EML6: variants seen among roughly 807,000 people sequenced by gnomAD.
EML6 encodes the protein echinoderm microtubule-associated protein-like 6.
A neutral mutation model predicts 240.1 loss-of-function variants in EML6; 154 were observed. The observed-to-expected ratio is 0.64, with a 90% CI of 0.56 to 0.73. The LOEUF (loss-of-function observed/expected upper bound fraction) is 0.73. Among genes scored for constraint, EML6 ranks in the 30% least tolerant of loss-of-function variants. The probability of loss-of-function intolerance (pLI) is 0.00; values close to 1 mark genes in which losing one functional copy is unlikely to be tolerated. For missense variants in EML6, 2,964 were observed against 2,474.6 expected, an observed-to-expected ratio of 1.20 and a Z score of -4.20; for synonymous variants, 1,148 against 899.0, an observed-to-expected ratio of 1.28 and a Z score of -4.95.
chr2:54,828,772 G>A (rs574958542), intron 6 of EML6, among the ~76,000 whole-genome samples: 1 of 152,316 alleles, frequency 6.6e-6, no homozygotes, highest in East Asian at 1.9e-4. Flanking sequence ...GTATTTTCCT[G>A]TGGAGGAGCA....
intron 17 of EML6, among the ~76,000 whole-genome samples, chr2:54,884,246 G>A (rs1161964255): frequency 6.6e-6 from 1 of 152,174 alleles, no homozygotes; most frequent in Non-Finnish European, 1.5e-5. Flanking sequence ...TTATGGTTGG[G>A]AAGCTATATA....
chr2:54,951,898 C>T (rs1280167660), intron 30 of EML6, among the ~76,000 whole-genome samples: 2 of 151,842 alleles, frequency 1.3e-5, no homozygotes, highest in Admixed American at 1.3e-4. Flanking sequence ...GCAGTACACA[C>T]CTTCCTTGTG....
At chr2:54,916,695 T>G in intron 25 of EML6, 64 bp from the exon 26 acceptor site, 1 of 1,322,982 alleles carries the variant, frequency 7.6e-7, no homozygotes, top group Non-Finnish European at 1.0e-6. Flanking sequence ...AGGTGCAAAC[T>G]GTTTCTTTTA....
intron 16 of EML6, among the ~76,000 whole-genome samples, chr2:54,872,772 A>T (rs1418118212): frequency 6.6e-6 from 1 of 152,056 alleles, no homozygotes; most frequent in African/African-American, 2.4e-5. Flanking sequence ...TGCTGTTCTC[A>T]TGTGTCTTTT....
chr2:54,799,102 C>T (rs1469116028), intron 2 of EML6, among the ~76,000 whole-genome samples: 1 of 152,086 alleles, frequency 6.6e-6, no homozygotes, highest in Non-Finnish European at 1.5e-5. Context: ...GTTCTGTCTC[C>T]CAGGCTGGAG....
chr2:54,960,170 G>T, intron 34 of EML6, 50 bp from the exon 35 acceptor site: 1 of 1,334,370 alleles, frequency 7.5e-7, no homozygotes. Flanking sequence ...AGGGGGTAGT[G>T]GGTCTTAGGA....
At chr2:54,894,780 C>T in intron 19 of EML6, 135 bp from the exon 20 acceptor site, 3 of 602,480 alleles carry the variant, frequency 5.0e-6, no homozygotes, top group South Asian at 4.1e-5. Context: ...TTGTTATCAC[C>T]AGAGTTTTCC....
At chr2:54,934,191 A>G (rs1226540402) in intron 28 of EML6, among the ~76,000 whole-genome samples, 1 of 152,224 alleles carries the variant, frequency 6.6e-6, no homozygotes, top group Non-Finnish European at 1.5e-5. Context: ...ACATACACAT[A>G]TGGAAGTGAA....
chr2:54,913,932 T>C (rs983723440), intron 25 of EML6, among the ~76,000 whole-genome samples: 1 of 152,184 alleles, frequency 6.6e-6, no homozygotes, highest in East Asian at 1.9e-4. Flanking sequence ...CCCCATTGCT[T>C]ATTTTTGTTG....
At chr2:54,836,044 C>T (rs1292222174) in intron 7 of EML6, among the ~76,000 whole-genome samples, 1 of 152,160 alleles carries the variant, frequency 6.6e-6, no homozygotes, top group African/African-American at 2.4e-5. Context: ...CCCTGTGTGC[C>T]CACCATTTTT....
chr2:54,816,638 T>G, intron 3 of EML6, 149 bp from the exon 4 acceptor site: 3 of 606,112 alleles, frequency 4.9e-6, no homozygotes, highest in Admixed American at 2.8e-5. Flanking sequence ...ATTGTGTTAT[T>G]TTTAGTTTGG....
intron 22 of EML6, among the ~76,000 whole-genome samples, chr2:54,901,732 A>C (rs1287944455): frequency 6.6e-6 from 1 of 152,228 alleles, no homozygotes; most frequent in Non-Finnish European, 1.5e-5. Flanking sequence ...CTTTCAGCAT[A>C]CCATGAACAG....
chr2:54,879,475 CCTCTTTA>C, intron 16 of EML6, 65 bp from the exon 17 acceptor site: 1 of 954,790 alleles, frequency 1.0e-6, no homozygotes, highest in South Asian at 1.5e-5. Flanking sequence ...GTTACTTATT[CCTCTTTA>C]CAGTGTATGA....
intron 17 of EML6, among the ~76,000 whole-genome samples, chr2:54,888,901 T>C (rs1172366777): frequency 6.6e-6 from 1 of 152,214 alleles, no homozygotes; most frequent in Non-Finnish European, 1.5e-5. Context: ...GCTGGTCGTA[T>C]GGTAAGAATA....
chr2:54,773,988 G>A (rs1668499134), intron 2 of EML6, among the ~76,000 whole-genome samples: 1 of 152,132 alleles, frequency 6.6e-6, no homozygotes, highest in Non-Finnish European at 1.5e-5. Context: ...AGAAGTGGCT[G>A]CTCCCACTCC....
Position 54,894,917 on chromosome 2 carries a change from C to T in EML6, c.2745C>T (p.Gly915=). Residue 915 remains glycine, a splice_region_variant and synonymous_variant, in exon 20 of 42, where the codon GGC becomes GGT. Coordinates refer to ENST00000356458, the MANE Select transcript of EML6 (RefSeq NM_001039753.4). The part of the protein sequence containing the change: ...PVFAMYALDK[G]FVTGGKDGIV... ...ACCTCTCATGTGTGCCTTCACAGGGCTTTGTAACAGGTGGAAAGGACGGCA... is the reference window on the plus strand; with the variant it reads ...ACCTCTCATGTGTGCCTTCACAGGGTTTTGTAACAGGTGGAAAGGACGGCA... 6.5e-7 allele frequency: 1 copy of T among 1,549,976 alleles called. No individual in the cohort carries two copies.
rs541872387 is a variant in EML6, at chr2:54,935,695, G to C, written c.4004+6944G>C. Among the ~76,000 whole-genome samples the C allele has an allele frequency of 2.6e-5, 4 of 152,230 alleles. No individual in the cohort carries two copies. The South Asian group carries it at 8.3e-4, about 32-fold the overall frequency. On this transcript the variant is annotated intron_variant, in intron 28 of 41. Coordinates refer to ENST00000356458, the MANE Select transcript of EML6 (RefSeq NM_001039753.4). ...TAGTCTTATATTCACATTATGTTTT[G>C]TTATTCGCATATATCTTTAAAAATA...
intron 26 of EML6, among the ~76,000 whole-genome samples, chr2:54,926,444 C>G (rs1674551002): frequency 6.6e-6 from 1 of 152,218 alleles, no homozygotes; most frequent in African/African-American, 2.4e-5. Flanking sequence ...TATTTCATCA[C>G]TTGATGGATA....
At chr2:54,929,123 G>C (rs1003103123) in intron 28 of EML6, among the ~76,000 whole-genome samples, 1 of 152,192 alleles carries the variant, frequency 6.6e-6, no homozygotes, top group South Asian at 2.1e-4. Flanking sequence ...AGGATTCTGA[G>C]GTCATGGAGG....
Sources: gnomAD v4.1 joint callset for allele counts (sites outside exome capture counted in the v4.1 genomes callset) on GRCh38, gnomAD v4.1.1 for gene constraint, MANE v1.5 for transcripts, NCBI Gene and HGNC (gene_info 2026-07-23, HGNC 2026-07-21) for gene names.